Variants in MALRD1 observed in about 807,000 individuals in gnomAD.
The protein encoded by MALRD1 is MAM and LDL-receptor class A domain-containing protein 1.
A neutral mutation model predicts 242.1 loss-of-function variants in MALRD1; 247 were observed. That is an observed-to-expected ratio of 1.02 (90% CI 0.92 to 1.13). MALRD1 has a LOEUF of 1.13. Among genes scored for constraint, MALRD1 ranks in the 50% most tolerant of loss-of-function variants. The pLI, the probability that MALRD1 is intolerant of heterozygous loss-of-function variation, is 0.00. For synonymous variants in MALRD1, 995 were observed against 866.6 expected (o/e 1.15, Z -2.60); for missense variants, 2,989 against 2,533.1 (o/e 1.18, Z -3.86).
intron 21 of MALRD1, among the ~76,000 whole-genome samples, chr10:19,307,581 T>G (rs1182295386): frequency 6.6e-6 from 1 of 151,570 alleles, no homozygotes; most frequent in African/African-American, 2.4e-5. Context: ...GGAAACAGAC[T>G]GAGGCACATT....
At position 19,237,513 on chromosome 10, in the gene MALRD1, C is replaced by CATATATATATATAT. The variant is rs34727263; in HGVS notation, c.2992-20161_2992-20148dup. On this transcript the variant is annotated intron_variant, in intron 18 of 39. Coordinates refer to ENST00000454679, the MANE Select transcript of MALRD1 (RefSeq NM_001142308.3). ...AATAGTATTTCATTGTGTGTGTGTC[C>CATATATATATATAT]ATATATATATATATATATATATAAT... Among the ~76,000 whole-genome samples, 277 of 113,344 alleles carry CATATATATATATAT rather than the reference C, an allele frequency of 2.4e-3. 7 individuals are homozygous for CATATATATATATAT. The highest frequency in any genetic ancestry group is 8.8e-3 in the African/African-American group (253 of 28,912). 74.4% of individuals were successfully genotyped at this position (113,344 alleles called of 152,430 possible).
chr10:19,397,795 C>T (rs1158468011), intron 28 of MALRD1, among the ~76,000 whole-genome samples: 1 of 151,772 alleles, frequency 6.6e-6, no homozygotes, highest in African/African-American at 2.4e-5. Flanking sequence ...TATCCTAGTT[C>T]CACAACGTTG....
intron 4 of MALRD1, among the ~76,000 whole-genome samples, chr10:19,101,728 A>T (rs10740844): frequency 0.54 from 72,744 of 134,724 alleles, 19,837 homozygotes; most frequent in Middle Eastern, 0.64. Flanking sequence ...TCTATAATAT[A>T]TACATTATAT....
chr10:19,146,047 G>C (rs1020790373), intron 10 of MALRD1, among the ~76,000 whole-genome samples, 151 bp from the exon 11 acceptor site: 16 of 152,180 alleles, frequency 1.1e-4, no homozygotes, highest in African/African-American at 3.9e-4. Flanking sequence ...TGTGTGACTA[G>C]ATAAAGGAAA....
rs866257158 is a variant in MALRD1 at position 19,160,699 on chromosome 10, A to C, written c.1657-4938A>C. Among the ~76,000 whole-genome samples, 20 of 58,846 alleles carry C rather than the reference A, an allele frequency of 3.4e-4. No homozygotes were observed. The South Asian group carries it at 6.7e-3, about 20-fold the overall frequency. 38.6% of individuals were successfully genotyped at this position (58,846 alleles called of 152,430 possible). On this transcript the variant is annotated intron_variant, in intron 12 of 39. Coordinates refer to ENST00000454679, the MANE Select transcript of MALRD1 (RefSeq NM_001142308.3). ...TCCTGGTTTAGTCTTGGGAGAGTGT[A>C]TGTGTCGAGGAATGTATCCATTTCT... is the stretch of plus-strand genomic sequence containing the variant.
At chr10:19,733,037 A>C (rs971804330) in intron 39 of MALRD1, among the ~76,000 whole-genome samples, 11 of 152,232 alleles carry the variant, frequency 7.2e-5, no homozygotes, top group Admixed American at 2.0e-4. Context: ...TTCAGAAACA[A>C]ATGACTTTGT....
At chr10:19,591,555 G>A (rs572662993) in intron 33 of MALRD1, among the ~76,000 whole-genome samples, 26 of 140,966 alleles carry the variant, frequency 1.8e-4, no homozygotes, top group African/African-American at 6.9e-4. Flanking sequence ...CTGGAGTGCA[G>A]TTGCACTATC....
chr10:19,371,402 A>G (rs1033337821), intron 26 of MALRD1, among the ~76,000 whole-genome samples: 15 of 152,208 alleles, frequency 9.9e-5, no homozygotes, highest in African/African-American at 3.6e-4. Context: ...CAATATCCTA[A>G]GAGATTTTAT....
chr10:19,325,105 A>T, intron 22 of MALRD1, among the ~76,000 whole-genome samples: 1 of 129,762 alleles, frequency 7.7e-6, no homozygotes, highest in Non-Finnish European at 1.6e-5. Context: ...TGTAGGTTTG[A>T]TTCATGTTGG....
At chr10:19,502,331 T>A (rs1009989025) in intron 31 of MALRD1, among the ~76,000 whole-genome samples, 1 of 152,144 alleles carries the variant, frequency 6.6e-6, no homozygotes, top group African/African-American at 2.4e-5. Context: ...CGATAAGCCT[T>A]ATGTATGTTC....
chr10:19,353,895 T>TG (rs10693932), intron 26 of MALRD1, among the ~76,000 whole-genome samples: 1 of 149,934 alleles, frequency 6.7e-6, no homozygotes, highest in Non-Finnish European at 1.5e-5. Flanking sequence ...TTTGTTTGTT[T>TG]TTTGTTTTTT....
intron 24 of MALRD1, among the ~76,000 whole-genome samples, chr10:19,343,678 A>G (rs530655573): frequency 6.6e-6 from 1 of 152,164 alleles, no homozygotes; most frequent in East Asian, 1.9e-4. Context: ...TGTGTGTATA[A>G]ATCACGTTTT....
intron 35 of MALRD1, among the ~76,000 whole-genome samples, chr10:19,611,395 A>C (rs1466386980): frequency 6.6e-6 from 1 of 151,966 alleles, no homozygotes; most frequent in Non-Finnish European, 1.5e-5. Flanking sequence ...TTACGTTTAA[A>C]AGTTACTATT....
intron 34 of MALRD1, among the ~76,000 whole-genome samples, chr10:19,606,090 G>C (rs1838607947): frequency 6.6e-6 from 1 of 151,528 alleles, no homozygotes; most frequent in Non-Finnish European, 1.5e-5. Flanking sequence ...TATTTTAATG[G>C]GCCATTTTCA....
At chr10:19,729,712 CTAT>C (rs1357434322) in intron 38 of MALRD1, among the ~76,000 whole-genome samples, 1 of 104,626 alleles carries the variant, frequency 9.6e-6, no homozygotes, top group South Asian at 3.4e-4. Flanking sequence ...TCTAATAAGT[CTAT>C]TAATTCTTTT....
chr10:19,730,630 A>G, intron 38 of MALRD1, 76 bp from the exon 39 acceptor site: 1 of 1,415,410 alleles, frequency 7.1e-7, no homozygotes, highest in South Asian at 1.2e-5. Context: ...AAAAGTTTCT[A>G]ACAAACAATA....
intron 28 of MALRD1, among the ~76,000 whole-genome samples, chr10:19,419,916 G>T (rs531978191): frequency 6.6e-6 from 1 of 152,172 alleles, no homozygotes; most frequent in African/African-American, 2.4e-5. Flanking sequence ...ATAAAAAGAA[G>T]ACATAAAGTG....
At chr10:19,303,475 A>G (rs1842036868) in intron 21 of MALRD1, among the ~76,000 whole-genome samples, 1 of 151,788 alleles carries the variant, frequency 6.6e-6, no homozygotes, top group African/African-American at 2.4e-5. Flanking sequence ...GCAGAGGAGA[A>G]AATGAATAGA....
At chr10:19,050,638 A>G (rs1834465141) in intron 1 of MALRD1, among the ~76,000 whole-genome samples, 1 of 152,110 alleles carries the variant, frequency 6.6e-6, no homozygotes, top group South Asian at 2.1e-4. Context: ...ACCATTCAAT[A>G]CCAAGTTCAG....
Sources: allele counts gnomAD v4.1 joint callset (sites outside exome capture counted in the v4.1 genomes callset), GRCh38; gene constraint gnomAD v4.1.1; transcripts MANE v1.5; gene names NCBI Gene and HGNC (gene_info 2026-07-23, HGNC 2026-07-21).